The following RFC3 variants were observed in gnomAD, a reference collection of about 807,000 sequenced individuals.
RFC3 encodes the protein A1 38 kDa subunit.
A neutral mutation model predicts 45.1 loss-of-function variants in RFC3; 41 were observed. The observed-to-expected ratio is 0.91, with a 90% CI of 0.71 to 1.18. The LOEUF is 1.18. Ranked by LOEUF, RFC3 falls within the 50% of genes most tolerant of loss-of-function variation. The pLI, the probability that RFC3 is intolerant of heterozygous loss-of-function variation, is 0.00. For synonymous variants in RFC3, 149 were observed against 144.0 expected (o/e 1.03, Z -0.25); for missense variants, 423 against 428.1 (o/e 0.99, Z 0.10).
chr13:33,876,325 G>T (rs80212977), intron 8 of RFC3, among the ~76,000 whole-genome samples: 3 of 152,088 alleles, frequency 2.0e-5, no homozygotes, highest in African/African-American at 7.2e-5. Flanking sequence ...CTCCCTGAAG[G>T]CAAAAAGCAC....
chr13:33,923,611 G>T (rs566629328), intron 8 of RFC3, among the ~76,000 whole-genome samples: 23 of 152,178 alleles, frequency 1.5e-4, no homozygotes, highest in African/African-American at 5.3e-4. Context: ...TGAACATAGG[G>T]CTTGAATAAC....
chr13:33,830,639 G>A, intron 5 of RFC3, 80 bp from the exon 6 acceptor site: 1 of 1,125,476 alleles, frequency 8.9e-7, no homozygotes, highest in South Asian at 1.6e-5. Context: ...ACAGTTATAA[G>A]GGTCTAGGAG....
chr13:33,858,383 G>A (rs1454555608), intron 8 of RFC3, among the ~76,000 whole-genome samples: 1 of 152,138 alleles, frequency 6.6e-6, no homozygotes, highest in Non-Finnish European at 1.5e-5. Context: ...AAAGAATAAC[G>A]GTAGATTAAA....
At chr13:33,859,771 G>T (rs2082329120) in intron 8 of RFC3, among the ~76,000 whole-genome samples, 1 of 151,984 alleles carries the variant, frequency 6.6e-6, no homozygotes, top group African/African-American at 2.4e-5. Context: ...CTTCTGTCTG[G>T]GCATGCCATG....
intron 8 of RFC3, among the ~76,000 whole-genome samples, chr13:33,894,393 C>T (rs1486786532): frequency 1.3e-5 from 2 of 152,180 alleles, no homozygotes; most frequent in Non-Finnish European, 2.9e-5. Flanking sequence ...CTGATCTTAC[C>T]TCACAGGAGA....
chr13:33,958,701 G>T (rs1024159452), intron 8 of RFC3, among the ~76,000 whole-genome samples: 1 of 152,216 alleles, frequency 6.6e-6, no homozygotes. Context: ...ACTGTGGAAA[G>T]CTCTGAATGT....
chr13:33,904,146 CT>C (rs1458797322), intron 8 of RFC3, among the ~76,000 whole-genome samples: 1 of 152,054 alleles, frequency 6.6e-6, no homozygotes, highest in Non-Finnish European at 1.5e-5. Context: ...ACCTTAGGGA[CT>C]TTGTCTTTCT....
intron 8 of RFC3, among the ~76,000 whole-genome samples, chr13:33,937,256 G>A (rs1462663840): frequency 6.6e-6 from 1 of 152,148 alleles, no homozygotes; most frequent in Non-Finnish European, 1.5e-5. Flanking sequence ...ATTCAGTACA[G>A]TGACATGCTG....
chr13:33,936,068 A>G (rs2082884344), intron 8 of RFC3, among the ~76,000 whole-genome samples: 1 of 152,132 alleles, frequency 6.6e-6, no homozygotes, highest in Non-Finnish European at 1.5e-5. Context: ...GTGCACTTGT[A>G]TGGGATGACG....
chr13:33,908,607 TAC>T (rs71074991), intron 8 of RFC3, among the ~76,000 whole-genome samples: 8,973 of 142,552 alleles, frequency 0.063, 287 homozygotes, highest in African/African-American at 0.074. Flanking sequence ...ACACAGGAGA[TAC>T]ACACACACAC....
intron 8 of RFC3, among the ~76,000 whole-genome samples, chr13:33,915,310 C>T (rs575163617): frequency 6.6e-6 from 1 of 152,224 alleles, no homozygotes; most frequent in Admixed American, 6.5e-5. Flanking sequence ...TTTGTAAATG[C>T]CAGTACACTT....
chr13:33,879,147 C>G lies in RFC3; in HGVS notation c.879+43930C>G, dbSNP rs1043129622. ...TGCTTTATTTTCTTATGTTTATTGTCTGCAGAAACACATTAAACCAAAAAA... is the reference window on the plus strand; with the variant it reads ...TGCTTTATTTTCTTATGTTTATTGTGTGCAGAAACACATTAAACCAAAAAA... On this transcript the variant is annotated intron_variant, in intron 8 of 8. Transcript: ENST00000434425. Among the ~76,000 whole-genome samples, 104 of 152,136 alleles carry G rather than the reference C, an allele frequency of 6.8e-4. 1 individual carries two copies. The highest frequency in any genetic ancestry group is 2.4e-3 in the African/African-American group (99 of 41,486).
At chr13:33,910,814 C>A (rs1282865308) in intron 8 of RFC3, among the ~76,000 whole-genome samples, 1 of 152,052 alleles carries the variant, frequency 6.6e-6, no homozygotes, top group Non-Finnish European at 1.5e-5. Flanking sequence ...GGCATCTGCT[C>A]AGCTTCTGGG....
At chr13:33,827,464 G>A (rs985304614) in intron 4 of RFC3, among the ~76,000 whole-genome samples, 1 of 152,056 alleles carries the variant, frequency 6.6e-6, no homozygotes, top group African/African-American at 2.4e-5. Flanking sequence ...TCCTCAATCT[G>A]TTATTAATAT....
At chr13:33,830,655 C>CA in intron 5 of RFC3, 64 bp from the exon 6 acceptor site, 1 of 1,367,964 alleles carries the variant, frequency 7.3e-7, no homozygotes, top group Non-Finnish European at 1.0e-6. Flanking sequence ...AGGAGGATAT[C>CA]AACAGAAATG....
the RFC3 span, among the ~76,000 whole-genome samples, chr13:33,971,628 ACAAAAACAGT>A: frequency 6.6e-6 from 1 of 152,254 alleles, no homozygotes; most frequent in African/African-American, 2.4e-5. Flanking sequence ...AACTTTATTG[ACAAAAACAGT>A]CAGTGGGCTC....
intron 8 of RFC3, among the ~76,000 whole-genome samples, chr13:33,853,169 C>A (rs1039426548): frequency 6.6e-6 from 1 of 152,130 alleles, no homozygotes; most frequent in East Asian, 1.9e-4. Context: ...TGTGAAGGCA[C>A]CTGCTAACCT....
At chr13:33,828,264 GTT>G (rs1236087620) in intron 4 of RFC3, among the ~76,000 whole-genome samples, 1 of 152,030 alleles carries the variant, frequency 6.6e-6, no homozygotes, top group African/African-American at 2.4e-5. Flanking sequence ...TCTTTTACCT[GTT>G]CTCAATTTGG....
At chr13:33,877,020 G>A (rs2082452162) in intron 8 of RFC3, among the ~76,000 whole-genome samples, 1 of 152,286 alleles carries the variant, frequency 6.6e-6, no homozygotes, top group East Asian at 1.9e-4. Flanking sequence ...TGCTTTCCTG[G>A]GGAGGAGGCA....
Sources: allele counts gnomAD v4.1 joint callset (sites outside exome capture counted in the v4.1 genomes callset), GRCh38; gene constraint gnomAD v4.1.1; transcripts MANE v1.5; gene names NCBI Gene and HGNC (gene_info 2026-07-23, HGNC 2026-07-21).